Variants in CPAP observed in about 807,000 individuals in gnomAD.
CPAP encodes centrosome assembly and centriole elongation protein, also known as centrosomal P4.1-associated protein.
chr13:24,883,260 C>G, the CPAP span: 2 of 1,613,890 alleles, frequency 1.2e-6, no homozygotes, highest in Non-Finnish European at 1.7e-6. Flanking sequence ...TCTTGATGAC[C>G]GTTTGCATAT....
At chr13:24,884,023 A>G in the CPAP span, 1 of 1,614,106 alleles carries the variant, frequency 6.2e-7, no homozygotes, top group East Asian at 2.2e-5. Context: ...ATCAGGAAAT[A>G]AGTTTTTAAC....
the CPAP span, chr13:24,889,341 G>C: frequency 6.2e-7 from 1 of 1,611,452 alleles, no homozygotes; most frequent in African/African-American, 1.3e-5. Context: ...AATTTTTCTT[G>C]TATTTTTCTA....
the CPAP span, chr13:24,907,287 G>C: frequency 9.3e-7 from 1 of 1,080,578 alleles, no homozygotes; most frequent in Non-Finnish European, 1.4e-6. Context: ...TGACAACATG[G>C]AGAACTAACT....
At chr13:24,899,313 T>C in the CPAP span, 1 of 811,558 alleles carries the variant, frequency 1.2e-6, no homozygotes, top group East Asian at 2.5e-5. Flanking sequence ...GAATGAATAA[T>C]GGATTGATAC....
chr13:24,882,773 G>A, the CPAP span: 24,841 of 189,004 alleles, frequency 0.13, 1,884 homozygotes, highest in East Asian at 0.3. Flanking sequence ...TGGCTACAGA[G>A]ACACGTGTTT....
the CPAP span, among the ~76,000 whole-genome samples, chr13:24,913,594 C>T: frequency 9.5e-4 from 144 of 152,298 alleles, no homozygotes; most frequent in Non-Finnish European, 1.4e-3. Context: ...AACACCTCAC[C>T]CACCAGATAG....
At chr13:24,933,016 A>C in the CPAP span, 1 of 1,582,750 alleles carries the variant, frequency 6.3e-7, no homozygotes. Context: ...GGTGATGGGA[A>C]TCTTTGCAAA....
the CPAP span, among the ~76,000 whole-genome samples, chr13:24,897,737 T>G: frequency 1.3e-5 from 2 of 152,038 alleles, no homozygotes; most frequent in Admixed American, 1.3e-4. Flanking sequence ...TCTGGGAAAA[T>G]ATGAGATTGA....
the CPAP span, among the ~76,000 whole-genome samples, chr13:24,910,984 C>G: frequency 6.6e-6 from 1 of 152,182 alleles, no homozygotes. Context: ...CTTGTATTCT[C>G]AATGCCCAGC....
the CPAP span, among the ~76,000 whole-genome samples, chr13:24,893,490 G>C: frequency 6.6e-6 from 1 of 152,222 alleles, no homozygotes; most frequent in Admixed American, 6.5e-5. Context: ...GGTGCGGCCC[G>C]GCCCATGCCC....
the CPAP span, chr13:24,883,247 G>A: frequency 1.1e-5 from 18 of 1,613,924 alleles, no homozygotes; most frequent in South Asian, 9.9e-5. Flanking sequence ...TCTGTACTTC[G>A]TTTCTTGATG....
At chr13:24,924,027 G>GA in the CPAP span, among the ~76,000 whole-genome samples, 1 of 152,034 alleles carries the variant, frequency 6.6e-6, no homozygotes, top group Non-Finnish European at 1.5e-5. Flanking sequence ...TAGAGAAGGG[G>GA]TTTCACCGTG....
the CPAP span, among the ~76,000 whole-genome samples, chr13:24,916,448 A>C: frequency 2.6e-5 from 4 of 152,264 alleles, no homozygotes; most frequent in Non-Finnish European, 5.9e-5. Context: ...AAAACATTAA[A>C]ACATGCGCAT....
At chr13:24,896,673 GGAA>G in the CPAP span, among the ~76,000 whole-genome samples, 5 of 152,276 alleles carry the variant, frequency 3.3e-5, no homozygotes, top group Middle Eastern at 3.4e-3. Flanking sequence ...TTGAATCCTT[GGAA>G]GAAGTAGTCA....
the CPAP span, among the ~76,000 whole-genome samples, chr13:24,920,730 C>T: frequency 6.6e-6 from 1 of 151,010 alleles, no homozygotes; most frequent in African/African-American, 2.4e-5. Flanking sequence ...AAGCGATTCA[C>T]CCACCTCAGC....
the CPAP span, among the ~76,000 whole-genome samples, chr13:24,913,890 T>C: frequency 1.1e-4 from 16 of 152,364 alleles, no homozygotes; most frequent in East Asian, 3.1e-3. Flanking sequence ...GTGATAGATA[T>C]ACTTAAACAG....
chr13:24,913,604 G>T, the CPAP span, among the ~76,000 whole-genome samples: 3 of 152,234 alleles, frequency 2.0e-5, no homozygotes, highest in Non-Finnish European at 4.4e-5. Context: ...CCACCAGATA[G>T]CCCCTCATCT....
At chr13:24,912,798 T>C in the CPAP span, 2 of 1,614,060 alleles carry the variant, frequency 1.2e-6, no homozygotes, top group East Asian at 2.2e-5. Flanking sequence ...ACTTCTGTTC[T>C]TCAAGAAGTG....
the CPAP span, among the ~76,000 whole-genome samples, chr13:24,920,194 C>T: frequency 3.3e-5 from 5 of 152,208 alleles, no homozygotes; most frequent in East Asian, 3.8e-4. Flanking sequence ...GTATAATACA[C>T]ATTGAAAATT....
Sources: allele counts gnomAD v4.1 joint callset (sites outside exome capture counted in the v4.1 genomes callset), GRCh38; gene constraint gnomAD v4.1.1; transcripts MANE v1.5; gene names NCBI Gene and HGNC (gene_info 2026-07-23, HGNC 2026-07-21).